MFSD8: variants seen among roughly 807,000 people sequenced by gnomAD.
MFSD8 encodes the protein major facilitator superfamily domain-containing protein 8.
Under a neutral mutation model 66.4 loss-of-function variants are expected in MFSD8, and 55 were observed. The observed-to-expected ratio is 0.83, with a 90% CI of 0.67 to 1.04. The LOEUF (loss-of-function observed/expected upper bound fraction) is 1.04. MFSD8 is among the 50% of genes least tolerant of loss of function. The pLI, the probability that MFSD8 is intolerant of heterozygous loss-of-function variation, is 0.00. For synonymous variants in MFSD8, 202 were observed against 212.8 expected, an observed-to-expected ratio of 0.95 and a Z score of 0.44; for missense variants, 550 against 627.6, an observed-to-expected ratio of 0.88 and a Z score of 1.32.
In MFSD8 at chr4:127,948,473, C is replaced by T. The variant is rs542728069; in HGVS notation, c.198+1331G>A. On this transcript the variant is annotated intron_variant, in intron 3 of 11. Coordinates refer to ENST00000641686, the MANE Select transcript of MFSD8 (RefSeq NM_001371596.2). Reference sequence around the variant, plus strand: ...CCCACTTGGCCCTCTTCCAAGTGTACTTTCCTTCTTTTCCTTCCTTTCATT... The same window carrying T: ...CCCACTTGGCCCTCTTCCAAGTGTATTTTCCTTCTTTTCCTTCCTTTCATT... Among the ~76,000 whole-genome samples, 12 of 152,250 alleles carry T rather than the reference C, an allele frequency of 7.9e-5. 1 individual carries two copies. The highest frequency in any genetic ancestry group is 7.9e-4 in the Admixed American group (12 of 15,286).
At chr4:127,930,610 C>G (rs1737959722) in intron 9 of MFSD8, 73 bp downstream of exon 9, 3 of 1,512,574 alleles carry the variant, frequency 2.0e-6, no homozygotes, top group Non-Finnish European at 2.7e-6. Context: ...CTGGTATATC[C>G]ATTTGCATTG....
intron 1 of MFSD8, chr4:127,964,630 C>T: frequency 4.7e-6 from 1 of 214,282 alleles, no homozygotes; most frequent in Non-Finnish European, 9.6e-6. Flanking sequence ...CACCACACCT[C>T]CCTGCAAGCT....
intron 1 of MFSD8, among the ~76,000 whole-genome samples, chr4:127,958,780 AT>A (rs1309470721): frequency 6.6e-6 from 1 of 152,218 alleles, no homozygotes; most frequent in African/African-American, 2.4e-5. Context: ...TTCTAAAAAA[AT>A]AATAAAATTG....
intron 7 of MFSD8, chr4:127,934,573 A>ATTTTTTT (rs748038560): frequency 7.1e-5 from 9 of 126,858 alleles, no homozygotes; most frequent in African/African-American, 2.6e-4. Flanking sequence ...TAAGCCAGGT[A>ATTTTTTT]TTTTTTTTTT....
chr4:127,921,947 T>C lies in MFSD8; in HGVS notation c.1015A>G (p.Ile339Val), dbSNP rs1280781007. 12 of 1,613,966 alleles carry C rather than the reference T, an allele frequency of 7.4e-6. No individual in the cohort carries two copies. Among genetic ancestry groups the C allele is most frequent in the African/African-American group, 4.0e-5 (3 of 74,926 alleles). ...LLSKKIGERA[I>V]LLGGLIVVWV... ...ACAACGATGAGTCCTCCCAGTAGAATAGCACGCTCGCCAATCCTGTTAAAG... is the reference window on the plus strand; with the variant it reads ...ACAACGATGAGTCCTCCCAGTAGAACAGCACGCTCGCCAATCCTGTTAAAG... Residue 339 changes from isoleucine (I) to valine (V), a missense_variant, in exon 10 of 12, where the codon ATT (isoleucine) becomes GTT (valine). Coordinates refer to ENST00000641686, the MANE Select transcript of MFSD8 (RefSeq NM_001371596.2).
chr4:127,917,736 T>C (rs976044758), downstream of MFSD8: 1 of 152,214 alleles, frequency 6.6e-6, no homozygotes, highest in African/African-American at 2.4e-5. Flanking sequence ...GACATTGTAA[T>C]TGGCACATAG....
At chr4:127,930,647 T>C (rs746291128) in intron 9 of MFSD8, 36 bp downstream of exon 9, 3 of 1,610,174 alleles carry the variant, frequency 1.9e-6, no homozygotes, top group Non-Finnish European at 2.5e-6. Context: ...TTTTATTTTT[T>C]AAAAACAGAC....
Position 127,933,056 on chromosome 4 carries a change from A to T in MFSD8, c.792T>A (p.Ile264=), listed in dbSNP as rs1738427095. The change falls in exon 8 of 12, where the codon ATT becomes ATA. Residue 264 remains isoleucine, a synonymous_variant. Transcript: ENST00000641686. ...TDEAQVPQGN[I]DQVAVVAINV... ...TGATGGCCACAACAGCAACCTGGTC[A>T]ATATTTCCTTGGGGAACCTGAGCTT... 1.2e-6 allele frequency: 2 copies of T among 1,613,900 alleles called. No individual in the cohort carries two copies. The highest frequency in any genetic ancestry group is 3.3e-5 in the Admixed American group (2 of 60,018).
rs1560764227 is a variant in MFSD8, at chr4:127,949,840, AG to A, written c.161del (p.Ser54LeufsTer2). 1 of 1,610,698 alleles carries A rather than the reference AG, an allele frequency of 6.2e-7. No individual in the cohort carries two copies. Among genetic ancestry groups the A allele is most frequent in the East Asian group, 2.2e-5 (1 of 44,712 alleles). ...LTMFLSSVGF[S>X]VVMMSIWPYL... ...ATGGCCATATGGACATCATCACTAC[AG>A]AAAACCCTGTGAAGAAGCAAACTAG... On this transcript the variant is annotated frameshift_variant, in exon 3 of 12. Coordinates refer to ENST00000641686, the MANE Select transcript of MFSD8 (RefSeq NM_001371596.2). LOFTEE classifies it high-confidence loss of function.
intron 9 of MFSD8, among the ~76,000 whole-genome samples, chr4:127,930,233 T>C (rs1737904452): frequency 1.3e-5 from 2 of 151,902 alleles, no homozygotes; most frequent in South Asian, 2.1e-4. Context: ...ATACGAGACC[T>C]TGTCTCAAAA....
intron 5 of MFSD8, among the ~76,000 whole-genome samples, chr4:127,941,076 G>C (rs944805106): frequency 1.3e-5 from 2 of 152,186 alleles, no homozygotes; most frequent in African/African-American, 4.8e-5. Flanking sequence ...TATTATGCTA[G>C]ATACTGAGGG....
chr4:127,946,664 C>A (rs927796438), intron 3 of MFSD8, among the ~76,000 whole-genome samples: 2 of 152,032 alleles, frequency 1.3e-5, no homozygotes, highest in Non-Finnish European at 2.9e-5. Flanking sequence ...ACTTGTAATG[C>A]CAGCACTTTG....
intron 1 of MFSD8, among the ~76,000 whole-genome samples, chr4:127,961,974 A>G (rs1282485261): frequency 6.6e-6 from 1 of 152,206 alleles, no homozygotes; most frequent in Non-Finnish European, 1.5e-5. Flanking sequence ...TACATTAAGC[A>G]TAGATCCAGG....
chr4:127,939,735 C>A, intron 6 of MFSD8, 118 bp downstream of exon 6: 1 of 1,046,320 alleles, frequency 9.6e-7, no homozygotes, highest in Non-Finnish European at 1.3e-6. Context: ...AAAATATAAA[C>A]AAACTATAGA....
chr4:127,946,868 T>C (rs374622933), intron 3 of MFSD8, among the ~76,000 whole-genome samples: 2 of 150,942 alleles, frequency 1.3e-5, no homozygotes, highest in Non-Finnish European at 2.9e-5. Context: ...TGAGCCAAGA[T>C]TGCATCACTG....
In MFSD8 at chr4:127,943,688, G is replaced by A; in HGVS notation, c.439+64C>T. 18 of 1,601,436 alleles carry A rather than the reference G, an allele frequency of 1.1e-5. 2 individuals carry two copies. The South Asian group carries it at 2.0e-4, about 18-fold the overall frequency. On this transcript the variant is annotated intron_variant, in intron 4 of 11. Transcript: ENST00000641686. Reference sequence around the variant, plus strand: ...TAAAAGGGGATGAGACCAGTTAAAAGTGAGCCATAAATGTCAGAATGAATG... The same window carrying A: ...TAAAAGGGGATGAGACCAGTTAAAAATGAGCCATAAATGTCAGAATGAATG...
chr4:127,929,144 A>C (rs1191631638), intron 9 of MFSD8, among the ~76,000 whole-genome samples: 1 of 151,190 alleles, frequency 6.6e-6, no homozygotes, highest in Non-Finnish European at 1.5e-5. Flanking sequence ...ACATGGTGAA[A>C]TCCGTCTGTA....
intron 5 of MFSD8, 118 bp from the exon 6 acceptor site, chr4:127,940,115 A>C: frequency 2.0e-6 from 2 of 993,394 alleles, no homozygotes; most frequent in African/African-American, 1.6e-5. Context: ...CTTCTATATC[A>C]TGCATTCTCA....
At chr4:127,945,505 A>T (rs1352370738) in intron 3 of MFSD8, 1 of 151,884 alleles carries the variant, frequency 6.6e-6, no homozygotes, top group African/African-American at 2.4e-5. Context: ...TATTTTTTTT[A>T]GTAGCGACGC....
Sources: allele counts gnomAD v4.1 joint callset (sites outside exome capture counted in the v4.1 genomes callset), GRCh38; gene constraint gnomAD v4.1.1; transcripts MANE v1.5; gene names NCBI Gene and HGNC (gene_info 2026-07-23, HGNC 2026-07-21).